NCKAP1: variants seen among roughly 807,000 people sequenced by gnomAD.
NCKAP1 encodes nck-associated protein 1.
Under a neutral mutation model 151.2 loss-of-function variants are expected in NCKAP1, and 21 were observed. The ratio of observed to expected loss-of-function variants is 0.14; its 90% CI spans 0.10 to 0.20. The LOEUF (loss-of-function observed/expected upper bound fraction) is 0.20. NCKAP1 is among the 10% of genes least tolerant of loss of function. NCKAP1 has a pLI of 1.00. For synonymous variants in NCKAP1, 484 were observed against 451.8 expected (o/e 1.07, Z -0.90); for missense variants, 933 against 1,352.1 (o/e 0.69, Z 4.86).
Position 182,991,284 on chromosome 2 carries a change from A to C in NCKAP1, c.791-2098T>G, listed in dbSNP as rs900977889. Among the ~76,000 whole-genome samples, 19 of 152,322 alleles carry C rather than the reference A, an allele frequency of 1.2e-4. No individual in the cohort carries two copies. The South Asian group carries it at 1.5e-3, about 12-fold the overall frequency. On this transcript the variant is annotated intron_variant, in intron 8 of 30. Transcript: ENST00000361354. Reference sequence around the variant, plus strand: ...TTAAAATAGATTGCCCAGGCTGGGCATGATGGCTCACACCTGTAATCCCAA... The same window carrying C: ...TTAAAATAGATTGCCCAGGCTGGGCCTGATGGCTCACACCTGTAATCCCAA...
At chr2:182,954,350 A>AC (rs1697280743) in intron 20 of NCKAP1, among the ~76,000 whole-genome samples, 1 of 152,220 alleles carries the variant, frequency 6.6e-6, no homozygotes, top group Admixed American at 6.5e-5. Context: ...ATCTTATCCT[A>AC]CACTGACCAC....
At chr2:182,974,583 T>C (rs1487990694) in intron 15 of NCKAP1, among the ~76,000 whole-genome samples, 2 of 151,812 alleles carry the variant, frequency 1.3e-5, no homozygotes, top group Non-Finnish European at 2.9e-5. Flanking sequence ...GCCTTTAGAG[T>C]AATGCAACTA....
At chr2:183,037,626 A>G (rs1183425747) in intron 1 of NCKAP1, among the ~76,000 whole-genome samples, 10 of 151,992 alleles carry the variant, frequency 6.6e-5, no homozygotes, top group Admixed American at 6.6e-4. Context: ...CCCACCTAGA[A>G]TTTCGCCCAC....
rs1461650015 is a variant in NCKAP1 at position 182,911,419 on chromosome 2, T to C, written c.*14283A>G. ...AATTCACAAAACAGCCTATACTATA[T>C]GAATAAGACCAAAAAATGGCCATCA... is the stretch of plus-strand genomic sequence containing the variant. On this transcript the variant is annotated 3_prime_UTR_variant, in exon 31 of 31. Coordinates refer to ENST00000361354, the MANE Select transcript of NCKAP1 (RefSeq NM_013436.5). 1 of 152,170 alleles carries C rather than the reference T, an allele frequency of 6.6e-6. No individual in the cohort carries two copies. The highest frequency in any genetic ancestry group is 1.5e-5 in the Non-Finnish European group (1 of 68,040). The allele number at this position is 152,170 out of a possible 1,614,324, so 9.4% of individuals were successfully genotyped here. A position where few individuals can be genotyped will look rare whatever the true frequency, so the allele number is the denominator to read the frequency against.
intron 8 of NCKAP1, among the ~76,000 whole-genome samples, chr2:182,993,742 A>C (rs780661572): frequency 2.6e-5 from 4 of 152,060 alleles, no homozygotes; most frequent in Non-Finnish European, 4.4e-5. Flanking sequence ...GATAAAAAAA[A>C]CGACCTATCA....
At chr2:182,974,634 G>A (rs959273278) in intron 15 of NCKAP1, among the ~76,000 whole-genome samples, 1 of 152,126 alleles carries the variant, frequency 6.6e-6, no homozygotes, top group African/African-American at 2.4e-5. Context: ...ATCACCAGAA[G>A]CTAGGAGAGA....
chr2:182,979,811 T>C (rs888865606), intron 13 of NCKAP1, among the ~76,000 whole-genome samples: 1 of 152,070 alleles, frequency 6.6e-6, no homozygotes, highest in Non-Finnish European at 1.5e-5. Flanking sequence ...ATGAGCTGTA[T>C]TGGTGATAAG....
chr2:182,934,697 A>G (rs976131150), intron 26 of NCKAP1, 55 bp downstream of exon 26: 2 of 883,278 alleles, frequency 2.3e-6, no homozygotes, highest in Non-Finnish European at 3.6e-6. Context: ...TGCATATGTA[A>G]TTTAAATATT....
intron 9 of NCKAP1, among the ~76,000 whole-genome samples, chr2:182,987,932 A>G (rs535463956): frequency 1.8e-4 from 27 of 152,268 alleles, no homozygotes; most frequent in African/African-American, 2.4e-5. Context: ...AAGAAGCACA[A>G]AAGAATTCTC....
At position 182,976,949 on chromosome 2, in the gene NCKAP1, C is replaced by T; in HGVS notation, c.1426G>A (p.Glu476Lys). ...CTGAAATCAAATACTTCCCCATCTT[C>T]AACTGTAGTAATAGAAAAAAAAAAA... is the stretch of plus-strand genomic sequence containing the variant. ...TMTSLSVKQV[E>K]DGEVFDFRGM... Residue 476 changes from glutamate to lysine, a missense_variant and splice_region_variant, in exon 15 of 31, where the codon GAA becomes AAA. By Grantham distance (56) the Glu-to-Lys change is moderately conservative (BLOSUM62 1). Coordinates refer to ENST00000361354, the MANE Select transcript of NCKAP1 (RefSeq NM_013436.5). 1 of 1,512,538 alleles carries T rather than the reference C, an allele frequency of 6.6e-7. No homozygotes were observed. Among genetic ancestry groups the T allele is most frequent in the Non-Finnish European group, 8.9e-7 (1 of 1,119,394 alleles). The allele number at this position is 1,512,538 out of a possible 1,614,324, so 93.7% of individuals were successfully genotyped here.
intron 26 of NCKAP1, 79 bp downstream of exon 26, chr2:182,934,673 T>C (rs1328160213): frequency 2.6e-6 from 2 of 756,794 alleles, no homozygotes; most frequent in Non-Finnish European, 4.4e-6. Context: ...AGTTTAGGAT[T>C]TATTACATTT....
chr2:182,942,951 T>A (rs1217609985), intron 23 of NCKAP1, among the ~76,000 whole-genome samples: 1 of 152,210 alleles, frequency 6.6e-6, no homozygotes, highest in Non-Finnish European at 1.5e-5. Context: ...CATTCTGCTC[T>A]TTGTTGCAGT....
At chr2:182,994,788 C>T in intron 8 of NCKAP1, 51 bp downstream of exon 8, 1 of 1,472,688 alleles carries the variant, frequency 6.8e-7, no homozygotes, top group South Asian at 1.2e-5. Flanking sequence ...CTATTTTTCT[C>T]TAAAACATAA....
intron 4 of NCKAP1, 123 bp downstream of exon 4, chr2:183,002,851 G>T: frequency 1.6e-6 from 1 of 633,838 alleles, no homozygotes; most frequent in Non-Finnish European, 2.7e-6. Flanking sequence ...TATAAAACAA[G>T]CCAAATTAAT....
At chr2:183,013,511 G>C (rs558252695) in intron 2 of NCKAP1, among the ~76,000 whole-genome samples, 1 of 152,210 alleles carries the variant, frequency 6.6e-6, no homozygotes, top group Non-Finnish European at 1.5e-5. Flanking sequence ...AATATATCCA[G>C]AATCTGAACA....
intron 2 of NCKAP1, among the ~76,000 whole-genome samples, chr2:183,009,940 T>G (rs1698560772): frequency 6.6e-6 from 1 of 152,248 alleles, no homozygotes; most frequent in Non-Finnish European, 1.5e-5. Flanking sequence ...TATTTAATTA[T>G]ATTATAATCA....
chr2:183,015,722 C>T (rs1015758621), intron 2 of NCKAP1, among the ~76,000 whole-genome samples: 2 of 151,266 alleles, frequency 1.3e-5, no homozygotes, highest in South Asian at 4.2e-4. Flanking sequence ...AAACCAAGCA[C>T]TTAGGCCTTT....
rs942246436 is a variant in NCKAP1 at position 182,922,228 on chromosome 2, C to T, written c.*3474G>A. ...GGATCATGTACTAATCAGTAGGTTACAATTCACTACCTTACAGAATTTGGG... is the reference window on the plus strand; with the variant it reads ...GGATCATGTACTAATCAGTAGGTTATAATTCACTACCTTACAGAATTTGGG... On this transcript the variant is annotated 3_prime_UTR_variant, in exon 31 of 31. Coordinates refer to ENST00000361354, the MANE Select transcript of NCKAP1 (RefSeq NM_013436.5). 6.6e-6 allele frequency: 1 copy of T among 152,206 alleles called. No homozygotes were observed. Among genetic ancestry groups the T allele is most frequent in the Non-Finnish European group, 1.5e-5 (1 of 68,042 alleles). The allele number at this position is 152,206 out of a possible 1,614,324, so 9.4% of individuals were successfully genotyped here.
chr2:183,037,896 C>G (rs1319568144), intron 1 of NCKAP1, 96 bp downstream of exon 1: 6 of 929,664 alleles, frequency 6.5e-6, no homozygotes, highest in African/African-American at 1.8e-5. Flanking sequence ...TTTCTACACC[C>G]GGCGCCTCCT....
Sources: allele counts gnomAD v4.1 joint callset (sites outside exome capture counted in the v4.1 genomes callset), GRCh38; gene constraint gnomAD v4.1.1; transcripts MANE v1.5; gene names NCBI Gene and HGNC (gene_info 2026-07-23, HGNC 2026-07-21).